Variants in CPD observed in about 807,000 individuals in gnomAD.
CPD encodes the protein metallocarboxypeptidase D.
Under a neutral mutation model 138.3 loss-of-function variants are expected in CPD, and 69 were observed. That is an observed-to-expected ratio of 0.50 (90% confidence interval 0.41 to 0.61). The LOEUF is 0.61. Ranked by LOEUF, CPD falls within the 20% of genes least tolerant of loss-of-function variation. The probability of loss-of-function intolerance (pLI) is 0.00; values close to 1 mark genes in which losing one functional copy is unlikely to be tolerated. For missense variants in CPD, 1,432 were observed against 1,733.3 expected, an observed-to-expected ratio of 0.83 and a Z score of 3.09; for synonymous variants, 651 against 642.1, an observed-to-expected ratio of 1.01 and a Z score of -0.21.
intron 2 of CPD, among the ~76,000 whole-genome samples, chr17:30,414,926 C>T (rs1912066000): frequency 6.6e-6 from 1 of 152,140 alleles, no homozygotes; most frequent in Non-Finnish European, 1.5e-5. Flanking sequence ...AGTCTGGAGT[C>T]TGGGAAGAAA....
At position 30,451,687 on chromosome 17, in the gene CPD, C is replaced by T. The variant is rs781198327; in HGVS notation, c.3070-24C>T. ...TTGATTCTACATGCAGCTAGTAACT[C>T]GTTAATTTCTGTTTGTGCTTCAGTT... On this transcript the variant is annotated intron_variant, in intron 13 of 20. Transcript: ENST00000225719. 2.1e-5 allele frequency: 33 copies of T among 1,607,930 alleles called. No individual in the cohort carries two copies. In the South Asian group the frequency reaches 2.9e-4, roughly 14 times the overall value.
chr17:30,397,975 C>G (rs1006950359), intron 2 of CPD, among the ~76,000 whole-genome samples: 3 of 147,306 alleles, frequency 2.0e-5, no homozygotes, highest in African/African-American at 7.5e-5. Flanking sequence ...CCCAGGAGTT[C>G]GAGACCAGCC....
intron 17 of CPD, among the ~76,000 whole-genome samples, chr17:30,460,438 G>A (rs1468621585): frequency 1.3e-5 from 2 of 152,118 alleles, no homozygotes; most frequent in Non-Finnish European, 2.9e-5. Context: ...AGACCGGTTT[G>A]GAATTATCTA....
chr17:30,435,279 C>G (rs1246956972), intron 8 of CPD, among the ~76,000 whole-genome samples: 3 of 151,908 alleles, frequency 2.0e-5, no homozygotes, highest in Non-Finnish European at 4.4e-5. Flanking sequence ...GTAATTAAGA[C>G]AGTGTGGTAC....
chr17:30,395,664 A>G (rs1489993259), intron 2 of CPD, among the ~76,000 whole-genome samples: 2 of 151,570 alleles, frequency 1.3e-5, no homozygotes, highest in Non-Finnish European at 2.9e-5. Context: ...AATTGGATGT[A>G]CTTTTTTCTT....
In CPD at chr17:30,408,783, G is replaced by A. The variant is rs543428648; in HGVS notation, c.995-12058G>A. 5.0e-3 allele frequency among the ~76,000 whole-genome samples: 761 copies of A among 151,162 alleles called. 6 individuals carry two copies. The highest frequency in any genetic ancestry group is 0.01 in the Middle Eastern group (3 of 294). The stretch of plus-strand genomic sequence containing the variant: ...GACAATTTGAGTTCCTCTTTTCCTA[G>A]TTGAATACCCTTTATTTCTTTCTCT... On this transcript the variant is annotated intron_variant, in intron 2 of 20. Coordinates refer to ENST00000225719, the MANE Select transcript of CPD (RefSeq NM_001304.5).
intron 2 of CPD, among the ~76,000 whole-genome samples, chr17:30,410,107 G>A (rs908141932): frequency 2.6e-5 from 4 of 151,994 alleles, no homozygotes; most frequent in Admixed American, 6.6e-5. Flanking sequence ...CCTTCATTTC[G>A]TTATTTATCC....
In CPD at chr17:30,431,891, T is replaced by G. The variant is rs1912575798; in HGVS notation, c.2127+10T>G. 1.3e-6 allele frequency: 2 copies of G among 1,502,360 alleles called. No homozygotes were observed. Among genetic ancestry groups the G allele is most frequent in the South Asian group, 2.4e-5 (2 of 84,764 alleles). 93.1% of individuals were successfully genotyped at this position (1,502,360 alleles called of 1,614,324 possible). On this transcript the variant is annotated intron_variant, in intron 8 of 20. Transcript: ENST00000225719. ...ACTTTCTTATTCCAAGGTAGGCTTG[T>G]CTTTGAATATAAAATGTTACAAAAT...
intron 2 of CPD, among the ~76,000 whole-genome samples, chr17:30,387,548 A>C (rs1911225975): frequency 6.6e-6 from 1 of 152,360 alleles, no homozygotes; most frequent in East Asian, 1.9e-4. Context: ...ATGTAGATGT[A>C]GAGGGAACTT....
Position 30,400,799 on chromosome 17 carries a change from A to G in CPD, c.994+15563A>G, listed in dbSNP as rs1176213978. Among the ~76,000 whole-genome samples, 4 of 146,906 alleles carry G rather than the reference A, an allele frequency of 2.7e-5. No individual in the cohort carries two copies. The South Asian group carries it at 8.6e-4, about 32-fold the overall frequency. On this transcript the variant is annotated intron_variant, in intron 2 of 20. Transcript: ENST00000225719. Reference sequence around the variant, plus strand: ...CAGCCTCCTGAGTAGCTGGGACTACAGGCGCCTACCACCACGCCCGGTTAA... The same window carrying G: ...CAGCCTCCTGAGTAGCTGGGACTACGGGCGCCTACCACCACGCCCGGTTAA...
intron 5 of CPD, 149 bp from the exon 6 acceptor site, chr17:30,423,357 A>G (rs1912318710): frequency 7.3e-6 from 4 of 546,758 alleles, no homozygotes; most frequent in Non-Finnish European, 9.4e-6. Flanking sequence ...GCTTTATAAG[A>G]TGTTTCTGAA....
Position 30,445,716 on chromosome 17 carries a change from A to G in CPD, c.2569A>G (p.Thr857Ala). The change falls in exon 12 of 21, where the codon ACT becomes GCT. Residue 857 changes from threonine to alanine, a missense_variant. Physicochemically the swap from Thr to Ala is moderately conservative, Grantham distance 58 (BLOSUM62 0). Around this residue, in one of 6 missense-constraint regions of CPD, gnomAD observed 124 missense variants for 117.0 expected, o/e 1.06. Transcript: ENST00000225719. ...GTATAATCCAGTTACCAAGAATGTG[A>G]CTGTCAAGAGTGAAGGCGCTATTCA... ...RGYNPVTKNV[T>A]VKSEGAIQVN... The G allele has an allele frequency of 6.2e-7, 1 of 1,610,252 alleles. No individual in the cohort carries two copies. Among genetic ancestry groups the G allele is most frequent in the Non-Finnish European group, 8.5e-7 (1 of 1,178,046 alleles).
At chr17:30,449,828 T>G in intron 13 of CPD, 80 bp downstream of exon 13, 2 of 1,271,350 alleles carry the variant, frequency 1.6e-6, no homozygotes, top group Non-Finnish European at 2.2e-6. Context: ...TTAAAATTTT[T>G]AATTTCTTGC....
rs1217502672 is a variant in CPD at position 30,449,684 on chromosome 17, A to G, written c.3005A>G (p.Glu1002Gly). The G allele has an allele frequency of 1.2e-6, 2 of 1,602,372 alleles. No individual in the cohort carries two copies. The highest frequency in any genetic ancestry group is 1.7e-6 in the Non-Finnish European group (2 of 1,177,256). The change falls in exon 13 of 21, where the codon GAA becomes GGA. Residue 1002 changes from glutamate (E) to glycine (G), a missense_variant. Physicochemically the swap from Glu to Gly is moderately conservative, Grantham distance 98. Transcript: ENST00000225719. The part of the protein sequence containing the change: ...GIHGNAPVGT[E>G]LLLALAEFLC... Reference sequence around the variant, plus strand: ...CATGGAAATGCGCCAGTTGGAACTGAACTGCTTTTGGCTCTGGCAGAATTT... The same window carrying G: ...CATGGAAATGCGCCAGTTGGAACTGGACTGCTTTTGGCTCTGGCAGAATTT...
rs188769585 is a variant in CPD, at chr17:30,448,309, A to T, written c.2874-1244A>T. Among the ~76,000 whole-genome samples, 491 of 152,078 alleles carry T rather than the reference A, an allele frequency of 3.2e-3. 1 individual carries two copies. Among genetic ancestry groups the T allele is most frequent in the Non-Finnish European group, 5.9e-3 (400 of 67,944 alleles). On this transcript the variant is annotated intron_variant, in intron 12 of 20. Coordinates refer to ENST00000225719, the MANE Select transcript of CPD (RefSeq NM_001304.5). ...GGCCAGGAGCTCCAGTTTACGTTGA[A>T]CTATGATCACACCACTGTACTCCAG...
Position 30,378,985 on chromosome 17 carries a change from C to A in CPD, c.5C>A (p.Ala2Glu). Residue 2 changes from alanine to glutamate, a missense_variant, in exon 1 of 21, where the codon GCG becomes GAG. Ala to Glu is a moderately radical substitution (Grantham distance 107). Around this residue, in one of 6 missense-constraint regions of CPD, gnomAD observed 484 missense variants for 477.2 expected, o/e 1.01. Coordinates refer to ENST00000225719, the MANE Select transcript of CPD (RefSeq NM_001304.5). Reference sequence around the variant, plus strand: ...GGTTAGCGGCGCTGCTGGAAGATGGCGAGCGGCCGGGACGAGCGGCCGCCT... The same window carrying A: ...GGTTAGCGGCGCTGCTGGAAGATGGAGAGCGGCCGGGACGAGCGGCCGCCT... M[A>E]SGRDERPPWR... 2.0e-6 allele frequency: 3 copies of A among 1,530,012 alleles called. 1 individual carries two copies. The highest frequency in any genetic ancestry group is 2.6e-5 in the East Asian group (1 of 37,994). The allele number at this position is 1,530,012 out of a possible 1,614,324, so 94.8% of individuals were successfully genotyped here. A position where few individuals can be genotyped will look rare whatever the true frequency, so the allele number is the denominator to read the frequency against.
At chr17:30,431,136 T>C (rs2143439192) in intron 7 of CPD, among the ~76,000 whole-genome samples, 1 of 152,370 alleles carries the variant, frequency 6.6e-6, no homozygotes, top group Middle Eastern at 3.4e-3. Flanking sequence ...TATTATTTTC[T>C]ATTTTTATTA....
chr17:30,419,575 A>G (rs1427296444), intron 2 of CPD, among the ~76,000 whole-genome samples: 1 of 152,234 alleles, frequency 6.6e-6, no homozygotes, highest in African/African-American at 2.4e-5. Flanking sequence ...TCCTGAGCTC[A>G]GGCAATCTGC....
intron 2 of CPD, among the ~76,000 whole-genome samples, chr17:30,388,428 A>C (rs1429390966): frequency 6.6e-6 from 1 of 152,152 alleles, no homozygotes; most frequent in African/African-American, 2.4e-5. Context: ...CTCAGTCCCC[A>C]ACCTTGGTTC....
Sources: gnomAD v4.1 joint callset for allele counts (sites outside exome capture counted in the v4.1 genomes callset) on GRCh38, gnomAD v4.1.1 for gene constraint, gnomAD v4.1.1 regional missense constraint, MANE v1.5 for transcripts, NCBI Gene and HGNC (gene_info 2026-07-23, HGNC 2026-07-21) for gene names.